ADAM19: variants seen among roughly 807,000 people sequenced by gnomAD.
The protein encoded by ADAM19 is disintegrin and metalloproteinase domain-containing protein 19.
In ADAM19, 65 loss-of-function variants were observed where a neutral mutation model predicts 114.7. The ratio of observed to expected loss-of-function variants is 0.57; its 90% CI spans 0.46 to 0.70. ADAM19 has a LOEUF of 0.70. ADAM19 is among the 30% of genes least tolerant of loss of function. ADAM19 has a pLI of 0.00. For missense variants in ADAM19, 1,063 were observed against 1,204.7 expected (o/e 0.88, Z 1.74); for synonymous variants, 466 against 460.5 (o/e 1.01, Z -0.15).
intron 10 of ADAM19, among the ~76,000 whole-genome samples, chr5:157,506,766 A>G (rs1561534942): frequency 1.3e-5 from 2 of 152,034 alleles, no homozygotes; most frequent in Non-Finnish European, 2.9e-5. Context: ...CTCTCTTACT[A>G]TTTTCCAGCC....
intron 8 of ADAM19, among the ~76,000 whole-genome samples, chr5:157,511,941 G>C (rs1239917509): frequency 6.6e-6 from 1 of 152,142 alleles, no homozygotes; most frequent in Non-Finnish European, 1.5e-5. Context: ...CAGCGCCCTT[G>C]GTTCCATCAC....
rs1467546405 is a variant in ADAM19 at position 157,575,707 on chromosome 5, G to A, written c.-11C>T. On this transcript the variant is annotated 5_prime_UTR_variant, in exon 1 of 23. Transcript: ENST00000257527. ...TGCGCCCCCTGGCATGGTGGCGGCGGCCCTTAGCGCTCGGCGCTCACACGC... is the reference window on the plus strand; with the variant it reads ...TGCGCCCCCTGGCATGGTGGCGGCGACCCTTAGCGCTCGGCGCTCACACGC... The A allele has an allele frequency of 1.5e-6, 2 of 1,313,594 alleles. No homozygotes were observed. Among genetic ancestry groups the A allele is most frequent in the East Asian group, 6.3e-5 (2 of 31,912 alleles). The allele number at this position is 1,313,594 out of a possible 1,614,324, so 81.4% of individuals were successfully genotyped here.
chr5:157,522,492 T>G (rs568231213), intron 5 of ADAM19, among the ~76,000 whole-genome samples: 1 of 152,162 alleles, frequency 6.6e-6, no homozygotes, highest in Non-Finnish European at 1.5e-5. Flanking sequence ...TCAATCATGA[T>G]AGTCCTGTAG....
intron 5 of ADAM19, among the ~76,000 whole-genome samples, chr5:157,524,651 C>A (rs1011994259): frequency 2.0e-5 from 3 of 152,170 alleles, no homozygotes; most frequent in Admixed American, 6.5e-5. Flanking sequence ...ACAGGGAACT[C>A]CAAAGCCTGC....
intron 2 of ADAM19, among the ~76,000 whole-genome samples, chr5:157,565,429 T>C (rs1198866307): frequency 6.6e-6 from 1 of 152,078 alleles, no homozygotes; most frequent in East Asian, 1.9e-4. Context: ...TTAAAAATGT[T>C]TAGACTCGGC....
rs548722709 is a variant in ADAM19 at position 157,526,873 on chromosome 5, G to A, written c.407+3934C>T. Among the ~76,000 whole-genome samples, 10 of 148,240 alleles carry A rather than the reference G, an allele frequency of 6.7e-5. No homozygotes were observed. The East Asian group carries it at 7.7e-4, about 11-fold the overall frequency. Reference sequence around the variant, plus strand: ...TGACCTCAAGTGATCTGCCTGCCTCGGCCTCCCAAAGTGCTGGAATTACAG... The same window carrying A: ...TGACCTCAAGTGATCTGCCTGCCTCAGCCTCCCAAAGTGCTGGAATTACAG... On this transcript the variant is annotated intron_variant, in intron 5 of 22. Transcript: ENST00000257527.
Position 157,479,845 on chromosome 5 carries a change from C to T in ADAM19, c.*1104G>A, listed in dbSNP as rs1256179814. On this transcript the variant is annotated 3_prime_UTR_variant, in exon 23 of 23. Transcript: ENST00000257527. ...TGACCAGCCTGCTCCCTCGTGTGTA[C>T]TTTGTAAATAGCTGGGCTCCCTAAG... The T allele has an allele frequency of 1.0e-6, 1 of 985,466 alleles. No individual in the cohort carries two copies. The highest frequency in any genetic ancestry group is 1.1e-4 in the East Asian group (1 of 8,816). The allele number at this position is 985,466 out of a possible 1,614,324, so 61.0% of individuals were successfully genotyped here. A position where few individuals can be genotyped will look rare whatever the true frequency, so the allele number is the denominator to read the frequency against.
chr5:157,556,009 C>T (rs1322431294), intron 3 of ADAM19, among the ~76,000 whole-genome samples: 4 of 151,992 alleles, frequency 2.6e-5, no homozygotes, highest in Admixed American at 2.6e-4. Flanking sequence ...CCAAGATAAT[C>T]TTCTCATCTC....
At chr5:157,514,407 A>G (rs1179556106) in intron 7 of ADAM19, among the ~76,000 whole-genome samples, 1 of 150,302 alleles carries the variant, frequency 6.7e-6, no homozygotes, top group Non-Finnish European at 1.5e-5. Flanking sequence ...TCGGCTTACA[A>G]CCTCCGCCTC....
intron 4 of ADAM19, among the ~76,000 whole-genome samples, chr5:157,531,388 C>T (rs188840769): frequency 2.0e-5 from 3 of 152,256 alleles, no homozygotes; most frequent in Admixed American, 6.5e-5. Flanking sequence ...CATGCTGGGC[C>T]AGGCGTGGTG....
chr5:157,570,775 G>A, intron 2 of ADAM19, 120 bp downstream of exon 2: 3 of 814,068 alleles, frequency 3.7e-6, no homozygotes, highest in Admixed American at 2.6e-5. Context: ...GCACCCAGAG[G>A]ACAGAGTGGG....
At chr5:157,531,909 G>A (rs1366860928) in intron 4 of ADAM19, among the ~76,000 whole-genome samples, 1 of 152,150 alleles carries the variant, frequency 6.6e-6, no homozygotes, top group Non-Finnish European at 1.5e-5. Context: ...CCAGAGGCTT[G>A]GAGGGAGTAT....
At chr5:157,533,220 G>A (rs542701224) in intron 4 of ADAM19, among the ~76,000 whole-genome samples, 1 of 152,314 alleles carries the variant, frequency 6.6e-6, no homozygotes, top group East Asian at 1.9e-4. Flanking sequence ...CAGCGATGTG[G>A]CTCCTCTGCC....
chr5:157,572,053 C>T (rs1056211396), intron 1 of ADAM19, among the ~76,000 whole-genome samples: 1 of 152,084 alleles, frequency 6.6e-6, no homozygotes, highest in African/African-American at 2.4e-5. Context: ...CCTTCATGCT[C>T]AAGGCAACCC....
In ADAM19 at chr5:157,491,689, G is replaced by C. The variant is rs150693665; in HGVS notation, c.2021C>G (p.Pro674Arg). ...GTTGCAGAAGGGCGGGGCCCAGCCC[G>C]GCAGGCAGTGGCAGTTCTGGTTGTT... is the stretch of plus-strand genomic sequence containing the variant. ...CNNNQNCHCLPGWAPPFCNTP... is the reference protein window; with the variant it reads ...CNNNQNCHCLRGWAPPFCNTP... The change falls in exon 18 of 23, where the codon CCG becomes CGG. Residue 674 changes from proline to arginine, a missense_variant. Pro to Arg is a moderately radical substitution (Grantham distance 103). Transcript: ENST00000257527. 6 of 1,583,138 alleles carry C rather than the reference G, an allele frequency of 3.8e-6. No individual in the cohort carries two copies. Among genetic ancestry groups the C allele is most frequent in the South Asian group, 2.3e-5 (2 of 85,852 alleles).
chr5:157,481,990 GA>G (rs749612904), intron 21 of ADAM19, 47 bp from the exon 22 acceptor site: 17 of 1,431,530 alleles, frequency 1.2e-5, no homozygotes, highest in Admixed American at 2.5e-5. Context: ...AGGCCTGTTT[GA>G]AAGAAAATAT....
At chr5:157,551,407 AAC>A in intron 3 of ADAM19, among the ~76,000 whole-genome samples, 1 of 43,754 alleles carries the variant, frequency 2.3e-5, no homozygotes. Flanking sequence ...CTGTCCCCCC[AAC>A]CCCAAAAAAA....
At chr5:157,569,751 T>C (rs1757771610) in intron 2 of ADAM19, among the ~76,000 whole-genome samples, 1 of 152,228 alleles carries the variant, frequency 6.6e-6, no homozygotes, top group South Asian at 2.1e-4. Context: ...ATCTTGCTCC[T>C]ATATGTTGCC....
At chr5:157,497,133 A>G in intron 13 of ADAM19, 44 bp from the exon 14 acceptor site, 1 of 1,435,596 alleles carries the variant, frequency 7.0e-7, no homozygotes, top group Non-Finnish European at 9.1e-7. Context: ...TCTCCTCCCC[A>G]CCCTCAACCC....
Sources: allele counts gnomAD v4.1 joint callset (sites outside exome capture counted in the v4.1 genomes callset), GRCh38; gene constraint gnomAD v4.1.1; transcripts MANE v1.5; gene names NCBI Gene and HGNC (gene_info 2026-07-23, HGNC 2026-07-21).